Variants in PSMC2 observed in about 807,000 individuals in gnomAD.
PSMC2 encodes the protein 26S proteasome regulatory subunit 7.
PSMC2 carries 7 observed loss-of-function variants against 53.3 expected under a neutral mutation model. That is an observed-to-expected ratio of 0.13 (90% CI 0.07 to 0.25). The LOEUF (loss-of-function observed/expected upper bound fraction) is 0.25. Ranked by LOEUF, PSMC2 falls within the 10% of genes least tolerant of loss-of-function variation. The pLI is 1.00. For missense variants in PSMC2, 241 were observed against 544.0 expected (o/e 0.44, Z 5.54); for synonymous variants, 169 against 183.9 (o/e 0.92, Z 0.66).
chr7:103,355,650 G>A, intron 3 of PSMC2, 44 bp from the exon 4 acceptor site: 1 of 1,400,600 alleles, frequency 7.1e-7, no homozygotes, highest in Non-Finnish European at 1.0e-6. Flanking sequence ...ATTATAGGGT[G>A]ATGCATTACA....
Position 103,366,183 on chromosome 7 carries a change from G to C in PSMC2, c.844+20G>C, listed in dbSNP as rs1490090421. 6.3e-7 allele frequency: 1 copy of C among 1,578,800 alleles called. No individual in the cohort carries two copies. The highest frequency in any genetic ancestry group is 1.4e-5 in the African/African-American group (1 of 74,070). The stretch of plus-strand genomic sequence containing the variant: ...TTGGAGGTGAGAATGATACGTTAGA[G>C]AACTGCTTTAGGATTCAGTTTCATG... On this transcript the variant is annotated intron_variant, in intron 9 of 11. Transcript: ENST00000292644.
Position 103,355,739 on chromosome 7 carries a change from A to T in PSMC2, c.236A>T (p.Asp79Val), listed in dbSNP as rs1190707141. The T allele has an allele frequency of 6.2e-7, 1 of 1,614,062 alleles. No homozygotes were observed. Among genetic ancestry groups the T allele is most frequent in the Non-Finnish European group, 8.5e-7 (1 of 1,180,006 alleles). ...GGCCTGGCCCCACCAGCACTCTGGG[A>T]TTTGGCTGCAGATAAGCAGACACTC... ...DTGLAPPALW[D>V]LAADKQTLQS... Residue 79 changes from aspartate (D) to valine (V), a missense_variant, in exon 4 of 12, where the codon GAT becomes GTT. Asp to Val is a radical substitution (Grantham distance 152, BLOSUM62 -3). Coordinates refer to ENST00000292644, the MANE Select transcript of PSMC2 (RefSeq NM_002803.4).
intron 1 of PSMC2, among the ~76,000 whole-genome samples, chr7:103,352,215 TAAAAAAAAAAAAAAAA>T (rs769618353): frequency 7.4e-5 from 3 of 40,608 alleles, no homozygotes; most frequent in Admixed American, 4.7e-4. Flanking sequence ...CATACTTAGT[TAAAAAAAAAAAAAAAA>T]AAAAAAAAAA....
chr7:103,353,466 C>G (rs896969787), intron 1 of PSMC2, among the ~76,000 whole-genome samples: 14 of 152,158 alleles, frequency 9.2e-5, no homozygotes, highest in African/African-American at 3.4e-4. Flanking sequence ...GCCACCATGC[C>G]AGGCCAATTT....
intron 4 of PSMC2, among the ~76,000 whole-genome samples, chr7:103,358,180 G>A (rs919150452): frequency 1.3e-5 from 2 of 152,138 alleles, no homozygotes; most frequent in African/African-American, 4.8e-5. Flanking sequence ...TGAAGGCGTC[G>A]TTCTGTTGTC....
chr7:103,355,723 C>T lies in PSMC2; in HGVS notation c.220C>T (p.Pro74Ser), dbSNP rs1563486194. 2.5e-6 allele frequency: 4 copies of T among 1,614,040 alleles called. No individual in the cohort carries two copies. The highest frequency in any genetic ancestry group is 2.2e-5 in the East Asian group (1 of 44,888). ...TAAAGAATCTGACACTGGCCTGGCC[C>T]CACCAGCACTCTGGGATTTGGCTGC... Reference protein sequence around the residue: ...GIKESDTGLAPPALWDLAADK... With the variant: ...GIKESDTGLASPALWDLAADK... Residue 74 changes from proline (P) to serine (S), a missense_variant, in exon 4 of 12, where the codon CCA (proline) becomes TCA (serine). Transcript: ENST00000292644.
At chr7:103,366,608 C>T (rs949338091) in intron 9 of PSMC2, among the ~76,000 whole-genome samples, 2 of 152,172 alleles carry the variant, frequency 1.3e-5, no homozygotes, top group Non-Finnish European at 2.9e-5. Context: ...TTGGGATGCT[C>T]AGTCTATATC....
chr7:103,353,130 C>T (rs1819820330), intron 1 of PSMC2, among the ~76,000 whole-genome samples: 2 of 151,958 alleles, frequency 1.3e-5, no homozygotes, highest in Admixed American at 6.6e-5. Flanking sequence ...AGATAACCAC[C>T]GTAGAACACC....
intron 6 of PSMC2, 34 bp downstream of exon 6, chr7:103,362,792 G>GTAT: frequency 1.2e-5 from 10 of 867,904 alleles, no homozygotes; most frequent in Non-Finnish European, 1.8e-5. Context: ...GGAAGGCTAT[G>GTAT]TCTTTTTTTT....
chr7:103,362,190 A>C lies in PSMC2; in HGVS notation c.422+102A>C, dbSNP rs944934394. ...TGAATAAATGGACTGAGTTCCTTGG[A>C]ATACCAAAGGATGATCTAGTAATGT... On this transcript the variant is annotated intron_variant, in intron 5 of 11. Coordinates refer to ENST00000292644, the MANE Select transcript of PSMC2 (RefSeq NM_002803.4). The C allele has an allele frequency of 1.9e-6, 3 of 1,552,348 alleles. No individual in the cohort carries two copies. The African/African-American group carries it at 4.2e-5, about 22-fold the overall frequency.
chr7:103,364,338 C>T, intron 8 of PSMC2, 31 bp downstream of exon 8: 11 of 1,608,508 alleles, frequency 6.8e-6, no homozygotes, highest in Non-Finnish European at 9.4e-6. Context: ...AATATATAGC[C>T]TTGTGAAAGA....
In PSMC2 at chr7:103,354,855, C is replaced by A; in HGVS notation, c.109-13C>A. On this transcript the variant is annotated splice_polypyrimidine_tract_variant and intron_variant, in intron 2 of 11. Coordinates refer to ENST00000292644, the MANE Select transcript of PSMC2 (RefSeq NM_002803.4). ...ATCCTGATATTCTAACTAAACTGACCTTCATCACCTAGGGTCAGAGCACTT... is the reference window on the plus strand; with the variant it reads ...ATCCTGATATTCTAACTAAACTGACATTCATCACCTAGGGTCAGAGCACTT... 6.3e-7 allele frequency: 1 copy of A among 1,583,530 alleles called. No homozygotes were observed. The highest frequency in any genetic ancestry group is 1.7e-5 in the Admixed American group (1 of 58,326).
In PSMC2 at chr7:103,367,385, G is replaced by C; in HGVS notation, c.845-28G>C. On this transcript the variant is annotated intron_variant, in intron 9 of 11. Transcript: ENST00000292644. The surrounding 1 kb of genome is among the most constrained non-coding windows in gnomAD (Gnocchi z 6.1). ...AGTGCTACTCTTGAGTGGACTTGAA[G>C]AGCTTATCTTTCCTTTTGTCTTCTC... 1.2e-6 allele frequency: 2 copies of C among 1,610,206 alleles called. No individual in the cohort carries two copies. Among genetic ancestry groups the C allele is most frequent in the Non-Finnish European group, 1.7e-6 (2 of 1,178,010 alleles).
intron 8 of PSMC2, among the ~76,000 whole-genome samples, chr7:103,364,690 G>C (rs936850447): frequency 6.6e-6 from 1 of 152,068 alleles, no homozygotes; most frequent in Non-Finnish European, 1.5e-5. Context: ...GTATAGGCAA[G>C]AACCACCACG....
intron 4 of PSMC2, among the ~76,000 whole-genome samples, chr7:103,357,512 T>C (rs1820105634): frequency 6.6e-6 from 1 of 152,138 alleles, no homozygotes; most frequent in African/African-American, 2.4e-5. Context: ...ATTTTTTAGT[T>C]TTAGGTATTA....
chr7:103,368,562 C>T lies in PSMC2; in HGVS notation c.*508C>T, dbSNP rs12535070. On this transcript the variant is annotated 3_prime_UTR_variant, in exon 12 of 12. Coordinates refer to ENST00000292644, the MANE Select transcript of PSMC2 (RefSeq NM_002803.4). ...GACCACATGCATTATGATAGTTTCCCACCACCATATTGAATAATAAAAGCT... is the reference window on the plus strand; with the variant it reads ...GACCACATGCATTATGATAGTTTCCTACCACCATATTGAATAATAAAAGCT... The T allele has an allele frequency of 0.12, 18,947 of 152,158 alleles. 1,456 individuals carry two copies. Among genetic ancestry groups the T allele is most frequent in the East Asian group, 0.37 (1,916 of 5,176 alleles). The allele number at this position is 152,158 out of a possible 1,614,324, so 9.4% of individuals were successfully genotyped here.
intron 8 of PSMC2, among the ~76,000 whole-genome samples, chr7:103,365,394 G>A (rs925603936): frequency 6.6e-6 from 1 of 152,186 alleles, no homozygotes; most frequent in Non-Finnish European, 1.5e-5. Flanking sequence ...CACTTTGGGA[G>A]GCAGAGGCAG....
At chr7:103,349,454 CT>C (rs113600623) in intron 1 of PSMC2, among the ~76,000 whole-genome samples, 75 of 146,342 alleles carry the variant, frequency 5.1e-4, no homozygotes, top group Admixed American at 7.5e-4. Context: ...CATACATACC[CT>C]TTTTTTTTTT....
At chr7:103,354,794 A>C in intron 2 of PSMC2, 74 bp from the exon 3 acceptor site, 1 of 968,568 alleles carries the variant, frequency 1.0e-6, no homozygotes, top group Non-Finnish European at 1.6e-6. Context: ...GTAACTTAAA[A>C]ATAATTTTTA....
Sources: gnomAD v4.1 joint callset for allele counts (sites outside exome capture counted in the v4.1 genomes callset) on GRCh38, gnomAD v4.1.1 for gene constraint, Gnocchi (gnomAD v3.1) non-coding constraint, MANE v1.5 for transcripts, NCBI Gene and HGNC (gene_info 2026-07-23, HGNC 2026-07-21) for gene names.